Variants in ASIC5 observed in about 807,000 individuals in gnomAD.
The protein encoded by ASIC5 is bile acid-sensitive ion channel.
ASIC5 carries 52 observed loss-of-function variants against 51.2 expected under a neutral mutation model. The observed-to-expected ratio is 1.02, with a 90% CI of 0.81 to 1.28. ASIC5 has a LOEUF of 1.28. ASIC5 is among the 50% of genes most tolerant of loss of function. The pLI, the probability that ASIC5 is intolerant of heterozygous loss-of-function variation, is 0.00. For synonymous variants in ASIC5, 231 were observed against 200.7 expected, an observed-to-expected ratio of 1.15 and a Z score of -1.28; for missense variants, 635 against 595.0, an observed-to-expected ratio of 1.07 and a Z score of -0.70.
Position 155,832,281 on chromosome 4 carries a change from T to C in ASIC5, c.1236-366A>G, listed in dbSNP as rs1740887274. Among the ~76,000 whole-genome samples, 3 of 152,236 alleles carry C rather than the reference T, an allele frequency of 2.0e-5. No homozygotes were observed. In the South Asian group the frequency reaches 6.2e-4, roughly 32 times the overall value. ...CCTTCAAGAAATCACATTGGTTTTT[T>C]TAAGTCATGGTTTCCTCAAGAGTAG... is the stretch of plus-strand genomic sequence containing the variant. On this transcript the variant is annotated intron_variant, in intron 8 of 9. Coordinates refer to ENST00000537611, the MANE Select transcript of ASIC5 (RefSeq NM_017419.3).
chr4:155,837,460 A>G (rs1297602029), intron 7 of ASIC5, among the ~76,000 whole-genome samples: 1 of 152,148 alleles, frequency 6.6e-6, no homozygotes, highest in Non-Finnish European at 1.5e-5. Flanking sequence ...AAGTCCCTGT[A>G]GCAGGTAGTG....
At chr4:155,855,884 C>T (rs552185670) in intron 2 of ASIC5, among the ~76,000 whole-genome samples, 8 of 152,026 alleles carry the variant, frequency 5.3e-5, no homozygotes, top group Admixed American at 2.0e-4. Flanking sequence ...CTGTAGAAAA[C>T]GTCCATTAAT....
intron 5 of ASIC5, 91 bp from the exon 6 acceptor site, chr4:155,842,445 C>T: frequency 8.0e-7 from 1 of 1,256,910 alleles, no homozygotes; most frequent in South Asian, 1.7e-5. Context: ...TTTTATTTTC[C>T]TCTCAGAGCT....
intron 2 of ASIC5, chr4:155,858,984 A>G (rs990157537): frequency 9.2e-5 from 14 of 152,068 alleles, no homozygotes; most frequent in South Asian, 2.1e-4. Flanking sequence ...GGTGAAATTC[A>G]GTACAACTTC....
intron 2 of ASIC5, among the ~76,000 whole-genome samples, chr4:155,857,315 A>G (rs986886629): frequency 4.6e-5 from 7 of 151,972 alleles, no homozygotes; most frequent in South Asian, 2.1e-4. Flanking sequence ...GTAGAGACAG[A>G]GTTTTACCAT....
rs761035505 is a variant in ASIC5 at position 155,863,431 on chromosome 4, A to G, written c.347+17T>C. 1.9e-6 allele frequency: 3 copies of G among 1,582,270 alleles called. No individual in the cohort carries two copies. Among genetic ancestry groups the G allele is most frequent in the Admixed American group, 1.8e-5 (1 of 57,102 alleles). ...AAATTTATAGGAACTAATTATTTTT[A>G]AAAAAGTAATTTTTACCTGTTCAAA... is the stretch of plus-strand genomic sequence containing the variant. On this transcript the variant is annotated intron_variant, in intron 2 of 9. Transcript: ENST00000537611.
In ASIC5 at chr4:155,843,790, G is replaced by A. The variant is rs771609594; in HGVS notation, c.752C>T (p.Ala251Val). The change falls in exon 5 of 10, where the codon GCT (alanine) becomes GTT (valine). Residue 251 changes from alanine to valine, a missense_variant. Ala to Val is a moderately conservative substitution (Grantham distance 64, BLOSUM62 0). Transcript: ENST00000537611. ...TGAATGGATAACAAAGATGATCCCA[G>A]CATCAACGAAACCAAGGGCTGGGTT... Reference protein sequence around the residue: ...TDNPALGFVDAGIIFVIHSPK... With the variant: ...TDNPALGFVDVGIIFVIHSPK... 2.5e-6 allele frequency: 4 copies of A among 1,613,546 alleles called. No homozygotes were observed. The East Asian group carries it at 6.7e-5, about 27-fold the overall frequency.
Position 155,835,133 on chromosome 4 carries a change from G to C in ASIC5, c.1235+1556C>G, listed in dbSNP as rs555298823. Among the ~76,000 whole-genome samples, 4 of 152,242 alleles carry C rather than the reference G, an allele frequency of 2.6e-5. No individual in the cohort carries two copies. The East Asian group carries it at 7.8e-4, about 30-fold the overall frequency. ...TGTCACACTGGCCCTCTGCCCTTGC[G>C]ATAAGGCAGAGGGTCCATTGAGCTG... On this transcript the variant is annotated intron_variant, in intron 8 of 9. Transcript: ENST00000537611.
chr4:155,838,131 T>C (rs1448852797), intron 7 of ASIC5, among the ~76,000 whole-genome samples: 1 of 152,208 alleles, frequency 6.6e-6, no homozygotes, highest in Non-Finnish European at 1.5e-5. Context: ...CCTGGAGATA[T>C]TTCCACAATG....
chr4:155,836,713 A>C lies in ASIC5; in HGVS notation c.1211T>G (p.Leu404Trp), dbSNP rs770131736. Reference protein sequence around the residue: ...QKALKYLSKKLNQSRKYIREN... With the variant: ...QKALKYLSKKWNQSRKYIREN... ...CCTGATGTATTTCCGGCTTTGATTCAACTTCTTGGAAAGATATTTCAAAGC... is the reference window on the plus strand; with the variant it reads ...CCTGATGTATTTCCGGCTTTGATTCCACTTCTTGGAAAGATATTTCAAAGC... Residue 404 changes from leucine (L) to tryptophan (W), a missense_variant, in exon 8 of 10, where the codon TTG becomes TGG. Transcript: ENST00000537611. 1.2e-6 allele frequency: 2 copies of C among 1,609,852 alleles called. No individual in the cohort carries two copies. Among genetic ancestry groups the C allele is most frequent in the Non-Finnish European group, 1.7e-6 (2 of 1,176,890 alleles).
intron 4 of ASIC5, among the ~76,000 whole-genome samples, chr4:155,849,101 G>A (rs1388230600): frequency 6.6e-6 from 1 of 152,010 alleles, no homozygotes; most frequent in Admixed American, 6.6e-5. Flanking sequence ...TTTTACCAAG[G>A]CTTTTACTGG....
intron 5 of ASIC5, 99 bp from the exon 6 acceptor site, chr4:155,842,453 G>T: frequency 1.6e-6 from 2 of 1,228,180 alleles, no homozygotes; most frequent in South Asian, 1.7e-5. Flanking sequence ...TCCTCTCAGA[G>T]CTCTTTGATT....
At chr4:155,838,045 A>G (rs1418913708) in intron 7 of ASIC5, among the ~76,000 whole-genome samples, 1 of 152,170 alleles carries the variant, frequency 6.6e-6, no homozygotes, top group African/African-American at 2.4e-5. Context: ...ATAAAAAAAG[A>G]TTCCTTCTAC....
intron 6 of ASIC5, among the ~76,000 whole-genome samples, chr4:155,840,706 G>C (rs1475082426): frequency 6.6e-6 from 1 of 151,918 alleles, no homozygotes; most frequent in Non-Finnish European, 1.5e-5. Context: ...CTGGGGACTA[G>C]ATTGCCTATA....
chr4:155,835,359 T>C (rs1740953643), intron 8 of ASIC5, among the ~76,000 whole-genome samples: 1 of 150,784 alleles, frequency 6.6e-6, no homozygotes, highest in Admixed American at 6.6e-5. Context: ...CTGTTGCACA[T>C]TTTGCAAGGG....
chr4:155,836,774 C>A lies in ASIC5; in HGVS notation c.1150G>T (p.Ala384Ser). ...PVSCEEIEYP[A>S]TISYSSFPSQ... ...GGAAAAGAGGAATAAGAAATAGTGG[C>A]CGGGTATTCTATTTCTTCACAAGAA... is the stretch of plus-strand genomic sequence containing the variant. The change falls in exon 8 of 10, where the codon GCC (alanine) becomes TCC (serine). Residue 384 changes from alanine (A) to serine (S), a missense_variant. Transcript: ENST00000537611. 1 of 1,603,584 alleles carries A rather than the reference C, an allele frequency of 6.2e-7. No homozygotes were observed. The highest frequency in any genetic ancestry group is 8.5e-7 in the Non-Finnish European group (1 of 1,170,718).
intron 3 of ASIC5, 54 bp downstream of exon 3, chr4:155,854,023 T>TC: frequency 2.3e-6 from 3 of 1,322,908 alleles, no homozygotes; most frequent in Non-Finnish European, 3.2e-6. Context: ...TGTGAAACAG[T>TC]GCAGTAACGG....
chr4:155,857,122 T>C (rs1741562372), intron 2 of ASIC5, among the ~76,000 whole-genome samples: 1 of 152,046 alleles, frequency 6.6e-6, no homozygotes, highest in African/African-American at 2.4e-5. Flanking sequence ...GAGTTTATTT[T>C]CAATTTTATT....
chr4:155,847,751 G>T (rs891007097), intron 4 of ASIC5, among the ~76,000 whole-genome samples: 2 of 151,772 alleles, frequency 1.3e-5, no homozygotes, highest in African/African-American at 4.8e-5. Flanking sequence ...TAAATAAAAT[G>T]CATTTTTGAG....
Sources: gnomAD v4.1 joint callset for allele counts (sites outside exome capture counted in the v4.1 genomes callset) on GRCh38, gnomAD v4.1.1 for gene constraint, MANE v1.5 for transcripts, NCBI Gene and HGNC (gene_info 2026-07-23, HGNC 2026-07-21) for gene names.